Variants in DIP2C observed in about 807,000 individuals in gnomAD.
DIP2C encodes DIP2 acetate--CoA ligase C (putative).
Under a neutral mutation model 192.4 loss-of-function variants are expected in DIP2C, and 33 were observed. The ratio of observed to expected loss-of-function variants is 0.17; its 90% CI spans 0.13 to 0.23. DIP2C has a LOEUF of 0.23. Among genes scored for constraint, DIP2C ranks in the 10% least tolerant of loss-of-function variants. DIP2C has a pLI of 1.00. For synonymous variants in DIP2C, 979 were observed against 864.1 expected, an observed-to-expected ratio of 1.13 and a Z score of -2.33; for missense variants, 1,537 against 2,110.1, an observed-to-expected ratio of 0.73 and a Z score of 5.32.
intron 1 of DIP2C, among the ~76,000 whole-genome samples, chr10:572,442 G>A (rs992877133): frequency 3.9e-5 from 6 of 152,210 alleles, no homozygotes; most frequent in African/African-American, 1.2e-4. Flanking sequence ...GATTTGCAGA[G>A]TGGGTGAGTC....
chr10:612,422 T>C (rs904139526), intron 1 of DIP2C, among the ~76,000 whole-genome samples: 1 of 152,204 alleles, frequency 6.6e-6, no homozygotes, highest in East Asian at 1.9e-4. Context: ...TAAGAAGATA[T>C]GAAGATGGAA....
At chr10:409,598 A>G (rs1965049086) in intron 8 of DIP2C, among the ~76,000 whole-genome samples, 1 of 152,222 alleles carries the variant, frequency 6.6e-6, no homozygotes. Flanking sequence ...TGTAGGGAGG[A>G]AAGTCCTCTG....
At chr10:434,165 A>G (rs564144610) in intron 4 of DIP2C, among the ~76,000 whole-genome samples, 1 of 152,360 alleles carries the variant, frequency 6.6e-6, no homozygotes, top group South Asian at 2.1e-4. Context: ...AACTGTGTGT[A>G]TATGGTATAT....
chr10:581,864 A>T (rs910541924), intron 1 of DIP2C, among the ~76,000 whole-genome samples: 2 of 152,086 alleles, frequency 1.3e-5, no homozygotes, highest in Non-Finnish European at 2.9e-5. Flanking sequence ...ATCTTAGCAC[A>T]TGTTAGGCCA....
intron 2 of DIP2C, among the ~76,000 whole-genome samples, chr10:476,274 A>G (rs1160641568): frequency 2.6e-5 from 4 of 152,148 alleles, no homozygotes; most frequent in Non-Finnish European, 5.9e-5. Flanking sequence ...GCTATCATGC[A>G]TTGGCCACGT....
Position 363,129 on chromosome 10 carries a change from A to G in DIP2C, c.2592+68T>C. 2 of 1,413,754 alleles carry G rather than the reference A, an allele frequency of 1.4e-6. No individual in the cohort carries two copies. Among genetic ancestry groups the G allele is most frequent in the South Asian group, 1.2e-5 (1 of 82,558 alleles). 87.6% of individuals were successfully genotyped at this position (1,413,754 alleles called of 1,614,324 possible). A position where few individuals can be genotyped will look rare whatever the true frequency, so the allele number is the denominator to read the frequency against. On this transcript the variant is annotated intron_variant, in intron 21 of 36. Coordinates refer to ENST00000280886, the MANE Select transcript of DIP2C (RefSeq NM_014974.3). This position sits in a 1 kb window ranked among gnomAD's most constrained non-coding sequence, Gnocchi z 5.4. ...CAAAGCAACAGCTGGTCACACCATG[A>G]TCTGAATGAAGTAAGGAGGCCAGAA...
At chr10:284,447 A>C (rs1160019557) in intron 34 of DIP2C, among the ~76,000 whole-genome samples, 1 of 152,260 alleles carries the variant, frequency 6.6e-6, no homozygotes, top group Non-Finnish European at 1.5e-5. Context: ...TGCCATTTGC[A>C]ACAGCATGGA....
Position 554,165 on chromosome 10 carries a change from G to A in DIP2C, c.86-67635C>T, listed in dbSNP as rs144490158. Among the ~76,000 whole-genome samples the A allele has an allele frequency of 6.8e-4, 103 of 152,288 alleles. 2 individuals are homozygous for A. In the East Asian group the frequency reaches 0.011, roughly 17 times the overall value. ...AAGGTACAGCTTGTAACTAAGAGTGGTGAACAAGCAAGAAATATACATCAC... is the reference window on the plus strand; with the variant it reads ...AAGGTACAGCTTGTAACTAAGAGTGATGAACAAGCAAGAAATATACATCAC... On this transcript the variant is annotated intron_variant, in intron 1 of 36. Transcript: ENST00000280886.
At chr10:338,437 T>TC (rs1387528178) in intron 29 of DIP2C, among the ~76,000 whole-genome samples, 1 of 152,074 alleles carries the variant, frequency 6.6e-6, no homozygotes, top group Non-Finnish European at 1.5e-5. Flanking sequence ...TTTTTTTTTT[T>TC]TTCCCACCTT....
intron 17 of DIP2C, among the ~76,000 whole-genome samples, chr10:378,521 A>C (rs1431815570): frequency 6.7e-6 from 1 of 149,024 alleles, no homozygotes; most frequent in Non-Finnish European, 1.5e-5. Context: ...ACGTGAACAC[A>C]CATGCACAAA....
At chr10:634,120 A>G (rs1588644843) in intron 1 of DIP2C, among the ~76,000 whole-genome samples, 1 of 152,250 alleles carries the variant, frequency 6.6e-6, no homozygotes, top group East Asian at 1.9e-4. Context: ...AAGCCTAATC[A>G]TCAGAAAGAG....
intron 1 of DIP2C, among the ~76,000 whole-genome samples, chr10:614,695 G>A (rs568734965): frequency 7.2e-5 from 11 of 152,392 alleles, no homozygotes; most frequent in South Asian, 6.2e-4. Context: ...TTCCTTTCAA[G>A]TGTGTTTAGC....
intron 1 of DIP2C, among the ~76,000 whole-genome samples, chr10:489,639 AC>A (rs1161988402): frequency 1.3e-5 from 2 of 151,568 alleles, no homozygotes; most frequent in Non-Finnish European, 2.9e-5. Context: ...TCCATTTCAC[AC>A]TAGGGACACG....
At chr10:385,540 C>G (rs959226500) in intron 14 of DIP2C, among the ~76,000 whole-genome samples, 1 of 152,248 alleles carries the variant, frequency 6.6e-6, no homozygotes, top group Non-Finnish European at 1.5e-5. Flanking sequence ...GAACCGCACA[C>G]TGCTCTGAAT....
At chr10:573,079 G>A (rs1323810198) in intron 1 of DIP2C, among the ~76,000 whole-genome samples, 3 of 152,148 alleles carry the variant, frequency 2.0e-5, no homozygotes, top group Admixed American at 2.0e-4. Flanking sequence ...GGAGGGAAAT[G>A]CTACAAAGCA....
At chr10:596,349 A>G (rs1851695811) in intron 1 of DIP2C, among the ~76,000 whole-genome samples, 1 of 151,960 alleles carries the variant, frequency 6.6e-6, no homozygotes, top group Non-Finnish European at 1.5e-5. Flanking sequence ...ATCTCTAACG[A>G]AAATTAGCCG....
At chr10:406,382 G>A (rs879398861) in intron 9 of DIP2C, among the ~76,000 whole-genome samples, 5 of 152,144 alleles carry the variant, frequency 3.3e-5, no homozygotes, top group Admixed American at 1.3e-4. Context: ...TATTAAACAC[G>A]AACTTTGCAT....
chr10:307,524 G>A (rs1005014156), intron 32 of DIP2C, among the ~76,000 whole-genome samples: 9 of 152,202 alleles, frequency 5.9e-5, no homozygotes, highest in Non-Finnish European at 1.3e-4. Context: ...GCTGGGGGCT[G>A]CGGACTGTGA....
chr10:399,565 A>T (rs923055771), intron 9 of DIP2C, among the ~76,000 whole-genome samples: 1 of 152,196 alleles, frequency 6.6e-6, no homozygotes, highest in African/African-American at 2.4e-5. Context: ...TACAGTCTTC[A>T]TAACTGTCCT....
Sources: gnomAD v4.1 joint callset for allele counts (sites outside exome capture counted in the v4.1 genomes callset) on GRCh38, gnomAD v4.1.1 for gene constraint, Gnocchi (gnomAD v3.1) non-coding constraint, MANE v1.5 for transcripts, NCBI Gene and HGNC (gene_info 2026-07-23, HGNC 2026-07-21) for gene names.